ST3GAL6: variants seen among roughly 807,000 people sequenced by gnomAD.
ST3GAL6 encodes type 2 lactosamine alpha-2,3-sialyltransferase.
ST3GAL6 carries 31 observed loss-of-function variants against 40.5 expected under a neutral mutation model. The ratio of observed to expected loss-of-function variants is 0.77; its 90% CI spans 0.58 to 1.03. ST3GAL6 has a LOEUF of 1.03. Among genes scored for constraint, ST3GAL6 ranks in the 50% least tolerant of loss-of-function variants. The pLI is 0.00. For missense variants in ST3GAL6, 357 were observed against 393.2 expected, an observed-to-expected ratio of 0.91 and a Z score of 0.78; for synonymous variants, 129 against 136.9, an observed-to-expected ratio of 0.94 and a Z score of 0.40.
At chr3:98,783,649 T>A in intron 5 of ST3GAL6, 1 of 985,416 alleles carries the variant, frequency 1.0e-6, no homozygotes, top group Non-Finnish European at 1.2e-6. Flanking sequence ...ACATGAGATG[T>A]GTCCACAAGG....
chr3:98,738,116 A>T (rs765749036), intron 1 of ST3GAL6, among the ~76,000 whole-genome samples: 1 of 96,260 alleles, frequency 1.0e-5, no homozygotes, highest in African/African-American at 4.1e-5. Flanking sequence ...CTTTCCTCCT[A>T]CTCCAATTAT....
intron 1 of ST3GAL6, among the ~76,000 whole-genome samples, chr3:98,740,871 A>G (rs774715724): frequency 1.3e-5 from 2 of 151,760 alleles, no homozygotes; most frequent in Non-Finnish European, 2.9e-5. Context: ...TATACCTCTA[A>G]TTTTTTCTCA....
At chr3:98,742,303 T>C (rs1559721015) in intron 1 of ST3GAL6, among the ~76,000 whole-genome samples, 1 of 152,236 alleles carries the variant, frequency 6.6e-6, no homozygotes, top group Non-Finnish European at 1.5e-5. Context: ...AGTTTGAGTG[T>C]TGTCCAGTAG....
chr3:98,759,759 A>T (rs1265550503), upstream of ST3GAL6, among the ~76,000 whole-genome samples: 2 of 152,142 alleles, frequency 1.3e-5, no homozygotes, highest in African/African-American at 4.8e-5. Flanking sequence ...AATAATTGGA[A>T]ATGTTGTAAA....
In ST3GAL6 at chr3:98,795,834, A is replaced by AATT. The variant is rs1322187261; in HGVS notation, c.*2077_*2079dup. The AATT allele has an allele frequency of 6.6e-6, 1 of 152,250 alleles. No homozygotes were observed. Among genetic ancestry groups the AATT allele is most frequent in the Non-Finnish European group, 1.5e-5 (1 of 68,018 alleles). 9.4% of individuals were successfully genotyped at this position (152,250 alleles called of 1,614,324 possible). On this transcript the variant is annotated 3_prime_UTR_variant, in exon 10 of 10. Transcript: ENST00000483910. The stretch of plus-strand genomic sequence containing the variant: ...CCTTAGAATCTAAAATAAAAGTTGA[A>AATT]ATTATTTTTTTAAAAAAAGGATGGC...
chr3:98,768,249 C>T (rs888628004), intron 1 of ST3GAL6, among the ~76,000 whole-genome samples, 181 bp from the exon 2 acceptor site: 1 of 149,698 alleles, frequency 6.7e-6, no homozygotes, highest in Admixed American at 6.8e-5. Flanking sequence ...AAAGGAGAGA[C>T]AGAAAAAACA....
upstream of ST3GAL6, among the ~76,000 whole-genome samples, chr3:98,759,906 A>C (rs1291363926): frequency 2.6e-5 from 4 of 152,194 alleles, no homozygotes; most frequent in African/African-American, 7.2e-5. Context: ...TCATACTGAC[A>C]CTAATAGTAG....
chr3:98,732,693 C>T (rs371835955), intron 1 of ST3GAL6: 2 of 628,848 alleles, frequency 3.2e-6, no homozygotes, highest in East Asian at 3.5e-5. Context: ...ACTCCGGAGG[C>T]GCTCGGCGCA....
intron 8 of ST3GAL6, among the ~76,000 whole-genome samples, chr3:98,791,227 C>T (rs1001344976): frequency 3.3e-5 from 5 of 152,048 alleles, no homozygotes; most frequent in African/African-American, 1.2e-4. Context: ...GTTTTTCTTT[C>T]TAAAAGTATA....
chr3:98,766,735 T>C (rs1460247425), intron 1 of ST3GAL6, among the ~76,000 whole-genome samples: 4 of 152,200 alleles, frequency 2.6e-5, no homozygotes, highest in Non-Finnish European at 5.9e-5. Flanking sequence ...GAAGTTATTC[T>C]TAGTGGAGCC....
chr3:98,744,555 C>T (rs1000179394), intron 1 of ST3GAL6, among the ~76,000 whole-genome samples: 3 of 152,170 alleles, frequency 2.0e-5, no homozygotes, highest in African/African-American at 7.2e-5. Context: ...TTTCTTGACT[C>T]TGCTCTTTAC....
intron 1 of ST3GAL6, among the ~76,000 whole-genome samples, chr3:98,743,946 A>C (rs1262985135): frequency 7.1e-6 from 1 of 139,864 alleles, no homozygotes; most frequent in Non-Finnish European, 1.5e-5. Context: ...AATCCCCAGT[A>C]CCTCAGATTG....
At chr3:98,736,098 A>G (rs1935522204) in intron 1 of ST3GAL6, among the ~76,000 whole-genome samples, 1 of 152,176 alleles carries the variant, frequency 6.6e-6, no homozygotes, top group African/African-American at 2.4e-5. Flanking sequence ...TTGGTCATCT[A>G]GGAGGATTGT....
chr3:98,750,673 G>A (rs1936941425), intron 1 of ST3GAL6, among the ~76,000 whole-genome samples: 1 of 151,940 alleles, frequency 6.6e-6, no homozygotes, highest in Non-Finnish European at 1.5e-5. Context: ...CTCAGGTGAT[G>A]CCAATGGCTA....
chr3:98,771,209 A>G lies in ST3GAL6; in HGVS notation c.167+253A>G, dbSNP rs765101641. The G allele has an allele frequency of 1.5e-5, 21 of 1,360,226 alleles. No individual in the cohort carries two copies. The South Asian group carries it at 2.5e-4, about 16-fold the overall frequency. The allele number at this position is 1,360,226 out of a possible 1,614,324, so 84.3% of individuals were successfully genotyped here. On this transcript the variant is annotated intron_variant, in intron 3 of 9. Coordinates refer to ENST00000483910, the MANE Select transcript of ST3GAL6 (RefSeq NM_001323368.2). ...CACACAGGTGAGGCTAGAGAGGTCT[A>G]TTTGTGTTTGATTATAAAAAAGCGA... is the stretch of plus-strand genomic sequence containing the variant.
At chr3:98,785,475 T>C (rs975094700) in intron 6 of ST3GAL6, among the ~76,000 whole-genome samples, 1 of 152,158 alleles carries the variant, frequency 6.6e-6, no homozygotes, top group Non-Finnish European at 1.5e-5. Flanking sequence ...AACAGCCATA[T>C]GAAGATTATG....
At position 98,791,998 on chromosome 3, in the gene ST3GAL6, T is replaced by C. The variant is rs1358324932; in HGVS notation, c.909+5T>C. ...ACCATGTCTTTGATGAATAAGGTAA[T>C]ATACTGTACTTTAGGTAATATACAT... On this transcript the variant is annotated splice_donor_5th_base_variant and intron_variant, in intron 9 of 9. Transcript: ENST00000483910. The C allele has an allele frequency of 1.2e-6, 2 of 1,605,922 alleles. No homozygotes were observed. The highest frequency in any genetic ancestry group is 1.7e-6 in the Non-Finnish European group (2 of 1,175,982).
In ST3GAL6 at chr3:98,771,170, A is replaced by G. The variant is rs773300995; in HGVS notation, c.167+214A>G. The G allele has an allele frequency of 2.7e-6, 4 of 1,476,068 alleles. No homozygotes were observed. In the South Asian group the frequency reaches 3.6e-5, roughly 13 times the overall value. The allele number at this position is 1,476,068 out of a possible 1,614,324, so 91.4% of individuals were successfully genotyped here. A position where few individuals can be genotyped will look rare whatever the true frequency, so the allele number is the denominator to read the frequency against. On this transcript the variant is annotated intron_variant, in intron 3 of 9. Transcript: ENST00000483910. ...AAAAGGCATTGAGGAACTCAATCAA[A>G]CCAGTATTCTTTTCACACAGGTGAG...
At chr3:98,733,656 T>G in intron 1 of ST3GAL6, 1 of 950,772 alleles carries the variant, frequency 1.1e-6, no homozygotes, top group Non-Finnish European at 1.3e-6. Flanking sequence ...AACTTGTCAT[T>G]TTGAGGCCGC....
Sources: gnomAD v4.1 joint callset for allele counts (sites outside exome capture counted in the v4.1 genomes callset) on GRCh38, gnomAD v4.1.1 for gene constraint, MANE v1.5 for transcripts, NCBI Gene and HGNC (gene_info 2026-07-23, HGNC 2026-07-21) for gene names.